The following ELOVL2 variants were observed in gnomAD, a reference collection of about 807,000 sequenced individuals.
ELOVL2 encodes the protein ELOVL fatty acid elongase 2.
A neutral mutation model predicts 37.7 loss-of-function variants in ELOVL2; 38 were observed. The ratio of observed to expected loss-of-function variants is 1.01; its 90% CI spans 0.78 to 1.32. ELOVL2 has a LOEUF of 1.32. ELOVL2 is among the 40% of genes most tolerant of loss of function. ELOVL2 has a pLI of 0.00. For missense variants in ELOVL2, 352 were observed against 363.6 expected (o/e 0.97, Z 0.26); for synonymous variants, 115 against 122.3 (o/e 0.94, Z 0.40).
chr6:11,033,953 TGA>T (rs1010297803), intron 1 of ELOVL2, among the ~76,000 whole-genome samples: 2 of 152,222 alleles, frequency 1.3e-5, no homozygotes, highest in African/African-American at 4.8e-5. Flanking sequence ...CCACCAGTTT[TGA>T]GTGTTTACTA....
At chr6:10,985,951 T>A (rs2113463253) in intron 7 of ELOVL2, among the ~76,000 whole-genome samples, 1 of 152,304 alleles carries the variant, frequency 6.6e-6, no homozygotes, top group African/African-American at 2.4e-5. Flanking sequence ...TATGGCCATT[T>A]TCACGATATT....
chr6:11,034,577 G>C (rs1450679552), intron 1 of ELOVL2, among the ~76,000 whole-genome samples: 2 of 152,084 alleles, frequency 1.3e-5, no homozygotes, highest in African/African-American at 4.8e-5. Context: ...CAGCTACTAT[G>C]GAGGCTGAGG....
intron 5 of ELOVL2, among the ~76,000 whole-genome samples, chr6:10,994,130 T>C (rs914921725): frequency 2.0e-5 from 3 of 151,494 alleles, no homozygotes; most frequent in Admixed American, 6.6e-5. Context: ...ACCACTGCAT[T>C]CCAGCCTGGG....
At chr6:11,020,149 TAGAGG>T (rs1782742908) in intron 1 of ELOVL2, among the ~76,000 whole-genome samples, 1 of 151,528 alleles carries the variant, frequency 6.6e-6, no homozygotes, top group Non-Finnish European at 1.5e-5. Flanking sequence ...AAATGACTTA[TAGAGG>T]AAAGTTGTAC....
At chr6:11,010,669 A>G in intron 2 of ELOVL2, 77 bp downstream of exon 2, 7 of 1,175,840 alleles carry the variant, frequency 6.0e-6, no homozygotes, top group Non-Finnish European at 8.8e-6. Context: ...CACCAGAAAT[A>G]ACATAATCCC....
chr6:10,997,628 G>A (rs914972554), intron 4 of ELOVL2, among the ~76,000 whole-genome samples: 7 of 151,970 alleles, frequency 4.6e-5, no homozygotes, highest in African/African-American at 7.3e-5. Context: ...TGATTGTTTC[G>A]TAGTATCATT....
intron 7 of ELOVL2, among the ~76,000 whole-genome samples, chr6:10,987,900 TA>T (rs1782078804): frequency 1.3e-5 from 2 of 151,934 alleles, no homozygotes; most frequent in Middle Eastern, 3.2e-3. Flanking sequence ...TTTTTTTTTT[TA>T]AAGCAATAGT....
chr6:11,027,901 A>G (rs1308897458), intron 1 of ELOVL2, among the ~76,000 whole-genome samples: 2 of 152,212 alleles, frequency 1.3e-5, no homozygotes, highest in African/African-American at 4.8e-5. Flanking sequence ...CATTCTTTCT[A>G]AATTGATTCC....
At chr6:11,042,355 T>C (rs962135381) in intron 1 of ELOVL2, among the ~76,000 whole-genome samples, 2 of 151,382 alleles carry the variant, frequency 1.3e-5, no homozygotes, top group Non-Finnish European at 2.9e-5. Context: ...TGGATTTGGG[T>C]ATTAAAAAAA....
intron 2 of ELOVL2, among the ~76,000 whole-genome samples, chr6:11,009,703 G>A (rs774846094): frequency 2.6e-5 from 4 of 152,216 alleles, no homozygotes; most frequent in Admixed American, 6.5e-5. Flanking sequence ...TGAGGACGAC[G>A]GATACTGACT....
intron 2 of ELOVL2, among the ~76,000 whole-genome samples, chr6:11,008,673 G>C (rs112855326): frequency 0.019 from 2,826 of 152,248 alleles, 81 homozygotes; most frequent in African/African-American, 0.064. Context: ...CTGTAAGGGA[G>C]AGAACATAGT....
At chr6:11,013,337 A>G (rs1015985122) in intron 1 of ELOVL2, among the ~76,000 whole-genome samples, 9 of 152,358 alleles carry the variant, frequency 5.9e-5, no homozygotes, top group South Asian at 4.1e-4. Context: ...AACATAGCAT[A>G]AGCACAGAGA....
chr6:11,043,435 CTT>C lies in ELOVL2; in HGVS notation c.3+791_3+792del, dbSNP rs1561732177. On this transcript the variant is annotated intron_variant, in intron 1 of 7. Coordinates refer to ENST00000354666, the MANE Select transcript of ELOVL2 (RefSeq NM_017770.4). Reference sequence around the variant, plus strand: ...CACACACACACACACACACACACAGCTTACTGTCAGGCAGTTCATCGGACACG... The same window carrying C: ...CACACACACACACACACACACACAGCACTGTCAGGCAGTTCATCGGACACG... 243 of 61,528 alleles carry C rather than the reference CTT, an allele frequency of 3.9e-3. 2 individuals carry two copies. The highest frequency in any genetic ancestry group is 0.026 in the East Asian group (29 of 1,114). The allele number at this position is 61,528 out of a possible 1,614,324, so 3.8% of individuals were successfully genotyped here. A position where few individuals can be genotyped will look rare whatever the true frequency, so the allele number is the denominator to read the frequency against.
chr6:11,021,702 C>A (rs1782767369), intron 1 of ELOVL2, among the ~76,000 whole-genome samples: 1 of 152,092 alleles, frequency 6.6e-6, no homozygotes, highest in African/African-American at 2.4e-5. Context: ...GAGGTAAATA[C>A]CAAGGTTTAA....
intron 1 of ELOVL2, among the ~76,000 whole-genome samples, chr6:11,042,692 G>T (rs890701093): frequency 7.2e-5 from 11 of 151,852 alleles, no homozygotes; most frequent in African/African-American, 2.7e-4. Flanking sequence ...ACTCGTCATT[G>T]AAGGCTGCCA....
intron 7 of ELOVL2, among the ~76,000 whole-genome samples, chr6:10,984,207 G>A (rs937420768): frequency 6.6e-6 from 1 of 151,994 alleles, no homozygotes; most frequent in African/African-American, 2.4e-5. Flanking sequence ...TAGTAGAGAT[G>A]GGGTTTCACC....
At chr6:10,990,067 A>G (rs564013741) in intron 6 of ELOVL2, among the ~76,000 whole-genome samples, 2 of 152,232 alleles carry the variant, frequency 1.3e-5, no homozygotes, top group Admixed American at 1.3e-4. Context: ...TATTTAGACA[A>G]AAAGGATTTA....
At chr6:10,993,162 C>T (rs551706799) in intron 5 of ELOVL2, among the ~76,000 whole-genome samples, 1 of 152,250 alleles carries the variant, frequency 6.6e-6, no homozygotes, top group African/African-American at 2.4e-5. Context: ...GTTTGCTGTT[C>T]CATGAATAGT....
At chr6:11,030,948 C>A (rs563143156) in intron 1 of ELOVL2, among the ~76,000 whole-genome samples, 1 of 152,284 alleles carries the variant, frequency 6.6e-6, no homozygotes, top group Non-Finnish European at 1.5e-5. Flanking sequence ...TGATGTCAAG[C>A]CTTCCAGTCT....
Sources: allele counts gnomAD v4.1 joint callset (sites outside exome capture counted in the v4.1 genomes callset), GRCh38; gene constraint gnomAD v4.1.1; transcripts MANE v1.5; gene names NCBI Gene and HGNC (gene_info 2026-07-23, HGNC 2026-07-21).